HYDIN: variants seen among roughly 807,000 people sequenced by gnomAD.
HYDIN encodes the protein axonemal central pair apparatus protein HYDIN.
In HYDIN, 132 loss-of-function variants were observed where a neutral mutation model predicts 403.9. That is an observed-to-expected ratio of 0.33 (90% CI 0.28 to 0.38). HYDIN has a LOEUF of 0.38. HYDIN is among the 10% of genes least tolerant of loss of function. The pLI is 1.00. For synonymous variants in HYDIN, 1,202 were observed against 1,891.7 expected, an observed-to-expected ratio of 0.64 and a Z score of 9.46; for missense variants, 2,827 against 5,009.5, an observed-to-expected ratio of 0.56 and a Z score of 13.15.
chr16:70,944,267 C>G (rs750116649), intron 41 of HYDIN, among the ~76,000 whole-genome samples: 2 of 152,222 alleles, frequency 1.3e-5, no homozygotes, highest in Non-Finnish European at 2.9e-5. Flanking sequence ...CAAACAATGG[C>G]GCTGCCCCCA....
chr16:71,094,808 C>T (rs2083227455), intron 10 of HYDIN, among the ~76,000 whole-genome samples: 1 of 152,192 alleles, frequency 6.6e-6, no homozygotes, highest in Middle Eastern at 3.2e-3. Context: ...CTCCCAAGTC[C>T]CTGGCTGGTT....
chr16:71,134,191 AGT>A (rs1369718644), intron 8 of HYDIN, among the ~76,000 whole-genome samples: 1 of 152,062 alleles, frequency 6.6e-6, no homozygotes, highest in Admixed American at 6.5e-5. Context: ...ATGGGACTTG[AGT>A]GTATCTGTTG....
intron 10 of HYDIN, among the ~76,000 whole-genome samples, chr16:71,110,681 G>C (rs964007683): frequency 6.6e-5 from 10 of 151,408 alleles, no homozygotes; most frequent in African/African-American, 2.2e-4. Context: ...ACACACCTGG[G>C]GGAGGTGCAG....
intron 20 of HYDIN, 27 bp downstream of exon 20, chr16:71,027,575 T>C: frequency 1.9e-6 from 3 of 1,613,994 alleles, no homozygotes; most frequent in Admixed American, 1.7e-5. Context: ...GAAAAAACAA[T>C]AGCTTCCAAA....
In HYDIN at chr16:71,064,673, A is replaced by G. The variant is rs371100991; in HGVS notation, c.2211+32T>C. 123 of 1,578,464 alleles carry G rather than the reference A, an allele frequency of 7.8e-5. No individual in the cohort carries two copies. The African/African-American group carries it at 1.5e-3, about 19-fold the overall frequency. On this transcript the variant is annotated intron_variant, in intron 16 of 85. Transcript: ENST00000393567. Reference sequence around the variant, plus strand: ...CATCAAGGGAACTCAATGGAAGAATAATTAATACTGAAGAAGGAGAAAGGA... The same window carrying G: ...CATCAAGGGAACTCAATGGAAGAATGATTAATACTGAAGAAGGAGAAAGGA...
chr16:70,979,647 T>C (rs771745697), intron 29 of HYDIN, among the ~76,000 whole-genome samples: 56 of 152,302 alleles, frequency 3.7e-4, no homozygotes, highest in Admixed American at 2.6e-3. Flanking sequence ...ATGCCTACTA[T>C]AGGCCAGGTG....
At chr16:70,855,069 T>C (rs1310237282) in intron 73 of HYDIN, 59 bp downstream of exon 73, 1 of 748,060 alleles carries the variant, frequency 1.3e-6, no homozygotes, top group Non-Finnish European at 2.3e-6. Flanking sequence ...ACTGGCAGGC[T>C]TGGGGTCCTG....
At chr16:70,944,349 A>G (rs1157277245) in intron 41 of HYDIN, among the ~76,000 whole-genome samples, 1 of 152,236 alleles carries the variant, frequency 6.6e-6, no homozygotes, top group East Asian at 1.9e-4. Flanking sequence ...TCACAAATCA[A>G]TACAATTTCA....
At chr16:70,808,966 G>T (rs1051894284) in intron 85 of HYDIN, among the ~76,000 whole-genome samples, 1 of 152,238 alleles carries the variant, frequency 6.6e-6, no homozygotes, top group African/African-American at 2.4e-5. Context: ...ATGTCTGGGT[G>T]CCTGGTGTCA....
chr16:71,077,927 G>A (rs1405036077), intron 13 of HYDIN, among the ~76,000 whole-genome samples: 1 of 151,728 alleles, frequency 6.6e-6, no homozygotes, highest in African/African-American at 2.4e-5. Flanking sequence ...TGGATTCTGT[G>A]GAATATTTTT....
chr16:70,948,963 T>C (rs1274495204), intron 41 of HYDIN, among the ~76,000 whole-genome samples: 2 of 146,724 alleles, frequency 1.4e-5, no homozygotes, highest in South Asian at 4.5e-4. Context: ...ACTGGGTATA[T>C]ACCCAAAGGA....
intron 23 of HYDIN, among the ~76,000 whole-genome samples, chr16:71,003,516 T>C (rs2079790164): frequency 6.6e-6 from 1 of 152,070 alleles, no homozygotes; most frequent in Non-Finnish European, 1.5e-5. Context: ...GCAATTGAGG[T>C]TGGGTGTGTT....
chr16:71,017,035 G>A (rs540604603), intron 23 of HYDIN, among the ~76,000 whole-genome samples: 11 of 151,988 alleles, frequency 7.2e-5, no homozygotes, highest in African/African-American at 2.2e-4. Flanking sequence ...CATGAGATCT[G>A]ATGGTTTAAA....
chr16:71,110,659 T>C (rs1018282586), intron 10 of HYDIN, among the ~76,000 whole-genome samples: 35 of 151,546 alleles, frequency 2.3e-4, no homozygotes, highest in Non-Finnish European at 3.8e-4. Flanking sequence ...GGAAACTTCA[T>C]TGGGAGAAAA....
intron 19 of HYDIN, among the ~76,000 whole-genome samples, chr16:71,029,933 A>C (rs1385326658): frequency 6.6e-6 from 1 of 152,160 alleles, no homozygotes; most frequent in African/African-American, 2.4e-5. Flanking sequence ...ACTGCAACAG[A>C]TAAGTTCAAA....
chr16:70,928,451 C>T lies in HYDIN; in HGVS notation c.7159-7234G>A, dbSNP rs1597345250. 3.9e-5 allele frequency among the ~76,000 whole-genome samples: 6 copies of T among 152,182 alleles called. 1 individual carries two copies. The highest frequency in any genetic ancestry group is 2.6e-4 in the Admixed American group (4 of 15,294). ...CAGCACCTGGGTGATGGAGTCAGAC[C>T]CTGCCTAAAAAAAAAACAAAAAACA... is the stretch of plus-strand genomic sequence containing the variant. On this transcript the variant is annotated intron_variant, in intron 45 of 85. Coordinates refer to ENST00000393567, the MANE Select transcript of HYDIN (RefSeq NM_001270974.2).
chr16:71,073,671 A>C (rs530183274), intron 13 of HYDIN, among the ~76,000 whole-genome samples: 1 of 152,174 alleles, frequency 6.6e-6, no homozygotes, highest in Non-Finnish European at 1.5e-5. Context: ...CATTCAACAC[A>C]TCCTTGTATC....
chr16:71,057,463 C>G (rs1467085469), intron 18 of HYDIN, among the ~76,000 whole-genome samples: 1 of 152,128 alleles, frequency 6.6e-6, no homozygotes, highest in African/African-American at 2.4e-5. Context: ...GCAGAAAATG[C>G]CATTCCTTAA....
intron 6 of HYDIN, 147 bp from the exon 7 acceptor site, chr16:71,152,930 C>T (rs969751065): frequency 4.8e-6 from 3 of 631,340 alleles, no homozygotes; most frequent in Non-Finnish European, 8.1e-6. Context: ...ACTTTTGCTA[C>T]CTAATGTGAA....
Sources: gnomAD v4.1 joint callset for allele counts (sites outside exome capture counted in the v4.1 genomes callset) on GRCh38, gnomAD v4.1.1 for gene constraint, MANE v1.5 for transcripts, NCBI Gene and HGNC (gene_info 2026-07-23, HGNC 2026-07-21) for gene names.